ZNF875: variants seen among roughly 807,000 people sequenced by gnomAD.
The protein encoded by ZNF875 is zinc finger protein 875.
ZNF875 carries 14 observed loss-of-function variants against 11.2 expected under a neutral mutation model. The observed-to-expected ratio is 1.26, with a 90% confidence interval of 0.83 to 1.96. ZNF875 has a LOEUF of 1.96. Among genes scored for constraint, ZNF875 ranks in the 30% most tolerant of loss-of-function variants. The probability of loss-of-function intolerance (pLI) is 0.00; values close to 1 mark genes in which losing one functional copy is unlikely to be tolerated. For synonymous variants in ZNF875, 301 were observed against 281.1 expected (o/e 1.07, Z -0.71); for missense variants, 752 against 760.4 (o/e 0.99, Z 0.13).
At position 37,362,800 on chromosome 19, in the gene ZNF875, A is replaced by C; in HGVS notation, c.948A>C (p.Gly316=). 1 of 1,612,194 alleles carries C rather than the reference A, an allele frequency of 6.2e-7. No individual in the cohort carries two copies. The highest frequency in any genetic ancestry group is 1.7e-5 in the Admixed American group (1 of 59,856). Residue 316 remains glycine, a synonymous_variant, in exon 5 of 5, where the codon GGA becomes GGC. Transcript: ENST00000392153. ...GEKPYVCKDC[G]RGFTWKSNLF... is the part of the protein sequence containing the mutation. ...AACCTTATGTGTGCAAGGATTGTGG[A>C]CGAGGCTTTACTTGGAAGTCGAACC... is the stretch of plus-strand genomic sequence containing the variant.
At position 37,322,531 on chromosome 19, in the gene ZNF875, A is replaced by T. The variant is rs1599864702; in HGVS notation, c.-699+299A>T. 1.3e-5 allele frequency among the ~76,000 whole-genome samples: 2 copies of T among 152,322 alleles called. 1 individual carries two copies. The highest frequency in any genetic ancestry group is 1.3e-4 in the Admixed American group (2 of 15,296). On this transcript the variant is annotated intron_variant, in intron 2 of 5. Transcript: ENST00000544914. ...ATTGATTTTCAGTCAATGAGCATTC[A>T]GTATATGCCTGGGACTCTGGCTTTA...
chr19:37,327,772 A>C (rs1462652187), intron 4 of ZNF875, among the ~76,000 whole-genome samples: 1 of 151,728 alleles, frequency 6.6e-6, no homozygotes, highest in Non-Finnish European at 1.5e-5. Context: ...AAAAAAAAAA[A>C]AAAAAATCAT....
At chr19:37,361,920 A>G (rs968189194) in intron 4 of ZNF875, 189 bp from the exon 5 acceptor site, 5 of 507,266 alleles carry the variant, frequency 9.9e-6, no homozygotes, top group Non-Finnish European at 1.6e-5. Context: ...GTTTAAAAAA[A>G]AAAACAAAAA....
In ZNF875 at chr19:37,347,565, A is replaced by G. The variant is rs971177934; in HGVS notation, c.161-212A>G. On this transcript the variant is annotated intron_variant, in intron 3 of 4. Coordinates refer to ENST00000392153, the MANE Select transcript of ZNF875 (RefSeq NM_001353803.2). ...GTGCTCTCTCTTTATTTTGCTTCAA[A>G]CCCAGGAAATTTTTCATACACCAAG... 1.6e-5 allele frequency: 10 copies of G among 610,022 alleles called. No homozygotes were observed. In the Admixed American group the frequency reaches 2.4e-4, roughly 15 times the overall value. 37.8% of individuals were successfully genotyped at this position (610,022 alleles called of 1,614,324 possible).
Position 37,363,616 on chromosome 19 carries a change from T to C in ZNF875, c.1764T>C (p.His588=), listed in dbSNP as rs566316422. The C allele has an allele frequency of 1.2e-6, 2 of 1,613,610 alleles. No individual in the cohort carries two copies. Among genetic ancestry groups the C allele is most frequent in the East Asian group, 2.2e-5 (1 of 44,816 alleles). Reference sequence around the variant, plus strand: ...GAGCACACGCAGGGGGGAAGCCTCATGTGTGCAGGGAGTGTGGGCAAGGCT... The same window carrying C: ...GAGCACACGCAGGGGGGAAGCCTCACGTGTGCAGGGAGTGTGGGCAAGGCT... ...HQRAHAGGKP[H]VCRECGQGFS... The change falls in exon 5 of 5, where the codon CAT becomes CAC. Residue 588 remains histidine (H), a synonymous_variant. Transcript: ENST00000392153.
intron 1 of ZNF875, among the ~76,000 whole-genome samples, chr19:37,321,348 AT>A (rs1449789459): frequency 1.3e-5 from 2 of 152,190 alleles, no homozygotes; most frequent in African/African-American, 4.8e-5. Flanking sequence ...ATGCACCAAG[AT>A]TTTTATGTAT....
chr19:37,334,583 A>C (rs1326982815), upstream of ZNF875: 1 of 418,542 alleles, frequency 2.4e-6, no homozygotes, highest in Non-Finnish European at 4.8e-6. Context: ...TACAATCCCC[A>C]GAGGCCTCTG....
At chr19:37,361,356 G>A (rs575435728) in intron 4 of ZNF875, among the ~76,000 whole-genome samples, 3 of 152,060 alleles carry the variant, frequency 2.0e-5, no homozygotes, top group South Asian at 4.1e-4. Flanking sequence ...TGATCTGCCC[G>A]CCTCGGCTTC....
intron 1 of ZNF875, among the ~76,000 whole-genome samples, chr19:37,321,342 A>C (rs1312355947): frequency 6.6e-6 from 1 of 152,192 alleles, no homozygotes; most frequent in Non-Finnish European, 1.5e-5. Flanking sequence ...TCTTTAATGC[A>C]CCAAGATTTT....
chr19:37,329,162 C>G (rs992499938), intron 4 of ZNF875: 5 of 152,230 alleles, frequency 3.3e-5, no homozygotes, highest in Admixed American at 2.6e-4. Context: ...ACTGCTTGCT[C>G]TTCGCACAGG....
At chr19:37,351,996 T>G (rs1484975660) in intron 4 of ZNF875, among the ~76,000 whole-genome samples, 1 of 152,220 alleles carries the variant, frequency 6.6e-6, no homozygotes, top group East Asian at 1.9e-4. Flanking sequence ...TATCCATTAC[T>G]GCAAAGGTGT....
upstream of ZNF875, among the ~76,000 whole-genome samples, chr19:37,332,148 C>G (rs568386470): frequency 5.2e-3 from 771 of 149,370 alleles, 5 homozygotes; most frequent in African/African-American, 0.018. Context: ...CCACAATTGT[C>G]TTGTGACCCT....
At chr19:37,347,615 A>G (rs1194230767) in intron 3 of ZNF875, 162 bp from the exon 4 acceptor site, 26 of 619,676 alleles carry the variant, frequency 4.2e-5, no homozygotes. Context: ...CATCTTTCTG[A>G]CTGGAGTCAC....
chr19:37,363,662 A>T lies in ZNF875; in HGVS notation c.1810A>T (p.Ile604Phe). The T allele has an allele frequency of 6.2e-7, 1 of 1,613,678 alleles. No homozygotes were observed. Among genetic ancestry groups the T allele is most frequent in the Non-Finnish European group, 8.5e-7 (1 of 1,179,694 alleles). The change falls in exon 5 of 5, where the codon ATT (isoleucine) becomes TTT (phenylalanine). Residue 604 changes from isoleucine (I) to phenylalanine (F), a missense_variant. By Grantham distance (21) the Ile-to-Phe change is conservative. Transcript: ENST00000392153. ...GQGFSRQSHL[I>F]RHQRTHSGEK... Reference sequence around the variant, plus strand: ...AGGCTTTAGCCGGCAGTCACACCTCATTAGACACCAGAGGACACATTCAGG... The same window carrying T: ...AGGCTTTAGCCGGCAGTCACACCTCTTTAGACACCAGAGGACACATTCAGG...
Position 37,347,255 on chromosome 19 carries a change from T to G in ZNF875, c.99T>G (p.Pro33=). Residue 33 remains proline (P), a synonymous_variant, in exon 3 of 5, where the codon CCT becomes CCG. Coordinates refer to ENST00000392153, the MANE Select transcript of ZNF875 (RefSeq NM_001353803.2). ...FTQEEWRLLS[P]AQRTLHREVM... ...AGGAGGAGTGGAGGTTGTTGAGCCC[T>G]GCTCAGAGGACCCTGCACAGGGAGG... 6.2e-7 allele frequency: 1 copy of G among 1,614,160 alleles called. No individual in the cohort carries two copies. Among genetic ancestry groups the G allele is most frequent in the Non-Finnish European group, 8.5e-7 (1 of 1,180,002 alleles).
In ZNF875 at chr19:37,318,549, T is replaced by C. The variant is rs1599843083; in HGVS notation, c.-747+363T>C. Reference sequence around the variant, plus strand: ...CTTTTTTTTTTTTTTTGAGACAGAGTCTCGCTCTGTCGCCCAGGCTGGAGT... The same window carrying C: ...CTTTTTTTTTTTTTTTGAGACAGAGCCTCGCTCTGTCGCCCAGGCTGGAGT... On this transcript the variant is annotated intron_variant, in intron 1 of 5. Transcript: ENST00000544914. Among the ~76,000 whole-genome samples, 5 of 148,594 alleles carry C rather than the reference T, an allele frequency of 3.4e-5. No individual in the cohort carries two copies. In the South Asian group the frequency reaches 1.1e-3, roughly 32 times the overall value.
chr19:37,363,899 TTC>T lies in ZNF875; in HGVS notation c.*126_*127del, dbSNP rs2040406877. On this transcript the variant is annotated 3_prime_UTR_variant, in exon 5 of 5. Transcript: ENST00000392153. ...ATTGCTAGATACCAAAGTGGAGACATTCTGTGTGTGATTATGCATGAGACTGT... is the reference window on the plus strand; with the variant it reads ...ATTGCTAGATACCAAAGTGGAGACATTGTGTGTGATTATGCATGAGACTGT... 1.4e-6 allele frequency: 1 copy of T among 733,266 alleles called. No individual in the cohort carries two copies. The highest frequency in any genetic ancestry group is 2.3e-6 in the Non-Finnish European group (1 of 432,694). The allele number at this position is 733,266 out of a possible 1,614,324, so 45.4% of individuals were successfully genotyped here. A position where few individuals can be genotyped will look rare whatever the true frequency, so the allele number is the denominator to read the frequency against.
Position 37,362,280 on chromosome 19 carries a change from A to AG in ZNF875, c.430dup (p.Asp144GlyfsTer6), listed in dbSNP as rs771769683. ...TATCCAGAAGATCAGAAACAACAGC[A>AG]GGATCCATTCTGCTTTAGTGGCAAA... On this transcript the variant is annotated frameshift_variant, in exon 5 of 5. Coordinates refer to ENST00000392153, the MANE Select transcript of ZNF875 (RefSeq NM_001353803.2). LOFTEE classifies it low-confidence loss of function (END_TRUNC). 1.1e-4 allele frequency: 179 copies of AG among 1,614,124 alleles called. No homozygotes were observed. The highest frequency in any genetic ancestry group is 1.5e-4 in the Non-Finnish European group (174 of 1,180,046).
chr19:37,350,062 T>A (rs527600782), intron 4 of ZNF875, among the ~76,000 whole-genome samples: 2 of 139,598 alleles, frequency 1.4e-5, no homozygotes, highest in East Asian at 4.1e-4. Flanking sequence ...CCTATCAGGT[T>A]CAAGGATTAC....
Sources: allele counts gnomAD v4.1 joint callset (sites outside exome capture counted in the v4.1 genomes callset), GRCh38; gene constraint gnomAD v4.1.1; transcripts MANE v1.5; gene names NCBI Gene and HGNC (gene_info 2026-07-23, HGNC 2026-07-21).